Variants in POU6F1 observed in about 807,000 individuals in gnomAD.
POU6F1 encodes POU domain, class 6, transcription factor 1.
In POU6F1, 9 loss-of-function variants were observed where a neutral mutation model predicts 28.9. The ratio of observed to expected loss-of-function variants is 0.31; its 90% CI spans 0.19 to 0.54. The LOEUF (loss-of-function observed/expected upper bound fraction) is 0.54, where lower values mean the gene tolerates loss of function less well. POU6F1 is among the 20% of genes least tolerant of loss of function. The pLI is 0.94. For synonymous variants in POU6F1, 173 were observed against 171.1 expected, an observed-to-expected ratio of 1.01 and a Z score of -0.09; for missense variants, 338 against 426.1, an observed-to-expected ratio of 0.79 and a Z score of 1.82.
chr12:51,198,198 T>G (rs1382781191), intron 5 of POU6F1, 175 bp from the exon 6 acceptor site: 11 of 397,374 alleles, frequency 2.8e-5, no homozygotes, highest in African/African-American at 2.1e-4. Context: ...GCATCTCTTA[T>G]CCCCCCTCCC....
At chr12:51,214,876 T>C (rs973141130) in intron 1 of POU6F1, among the ~76,000 whole-genome samples, 2 of 151,980 alleles carry the variant, frequency 1.3e-5, no homozygotes, top group African/African-American at 4.8e-5. Flanking sequence ...AGAGAATCGC[T>C]TGAGCCCAAG....
chr12:51,189,183 C>T lies in POU6F1; in HGVS notation c.*1064G>A, dbSNP rs1050567494. The stretch of plus-strand genomic sequence containing the variant: ...AAGTCAACTTCCACAAGAGACCTTC[C>T]TGGGCTCCATCATTTATTTCAGGAT... On this transcript the variant is annotated 3_prime_UTR_variant, in exon 11 of 11. Coordinates refer to ENST00000333640, the MANE Select transcript of POU6F1 (RefSeq NM_001330422.2). 1.3e-5 allele frequency: 2 copies of T among 152,192 alleles called. No homozygotes were observed. Among genetic ancestry groups the T allele is most frequent in the Non-Finnish European group, 2.9e-5 (2 of 68,028 alleles). 9.4% of individuals were successfully genotyped at this position (152,192 alleles called of 1,614,324 possible). A position where few individuals can be genotyped will look rare whatever the true frequency, so the allele number is the denominator to read the frequency against.
chr12:51,217,083 T>A lies in POU6F1; in HGVS notation c.-48+559A>T, dbSNP rs999159954. On this transcript the variant is annotated intron_variant, in intron 1 of 10. Transcript: ENST00000333640. This position sits in a 1 kb window ranked among gnomAD's most constrained non-coding sequence, Gnocchi z 5.3. The stretch of plus-strand genomic sequence containing the variant: ...GGCCCTCCCATCACTGACCCACCCT[T>A]CCAGCAACGCCTGGGTCCCTACCCC... Among the ~76,000 whole-genome samples, 2 of 152,194 alleles carry A rather than the reference T, an allele frequency of 1.3e-5. No individual in the cohort carries two copies. The highest frequency in any genetic ancestry group is 6.5e-5 in the Admixed American group (1 of 15,290).
chr12:51,196,847 G>A lies in POU6F1; in HGVS notation c.927C>T (p.Pro309=). 1 of 1,614,088 alleles carries A rather than the reference G, an allele frequency of 6.2e-7. No homozygotes were observed. Among genetic ancestry groups the A allele is most frequent in the African/African-American group, 1.3e-5 (1 of 75,062 alleles). Residue 309 remains proline, a synonymous_variant, in exon 7 of 11, where the codon CCC becomes CCT. Transcript: ENST00000333640. ...TTAPVITSAI[P]SMPGISSQIL... Reference sequence around the variant, plus strand: ...TCTGACTGCTGATCCCTGGCATGCTGGGAATGGCGCTGGTAATGACTGGAG... The same window carrying A: ...TCTGACTGCTGATCCCTGGCATGCTAGGAATGGCGCTGGTAATGACTGGAG...
At position 51,215,010 on chromosome 12, in the gene POU6F1, C is replaced by T. The variant is rs138532801; in HGVS notation, c.-48+2632G>A. Among the ~76,000 whole-genome samples, 682 of 152,110 alleles carry T rather than the reference C, an allele frequency of 4.5e-3. 6 individuals are homozygous for T. The highest frequency in any genetic ancestry group is 0.016 in the African/African-American group (644 of 41,510). Reference sequence around the variant, plus strand: ...TGAAAAATGAAAAGTAGGTATGTTCCTAGTAGACTGTAAGCTCCAGGAAGG... The same window carrying T: ...TGAAAAATGAAAAGTAGGTATGTTCTTAGTAGACTGTAAGCTCCAGGAAGG... On this transcript the variant is annotated intron_variant, in intron 1 of 10. Transcript: ENST00000333640.
At chr12:51,195,791 T>C (rs1942774731) in intron 8 of POU6F1, among the ~76,000 whole-genome samples, 179 bp downstream of exon 8, 1 of 152,192 alleles carries the variant, frequency 6.6e-6, no homozygotes, top group Non-Finnish European at 1.5e-5. Flanking sequence ...GCTGTTTCCC[T>C]GGGCAGAACC....
rs568751694 is a variant in POU6F1 at position 51,214,159 on chromosome 12, AAAAT to A, written c.-48+3479_-48+3482del. 6.6e-4 allele frequency among the ~76,000 whole-genome samples: 101 copies of A among 151,938 alleles called. No homozygotes were observed. In the East Asian group the frequency reaches 0.014, roughly 21 times the overall value. On this transcript the variant is annotated intron_variant, in intron 1 of 10. Coordinates refer to ENST00000333640, the MANE Select transcript of POU6F1 (RefSeq NM_001330422.2). ...TCTATGTCAAAAAAATAAATAAATAAAAATAAATAAATAAATAAATAAATAAAAT... is the reference window on the plus strand; with the variant it reads ...TCTATGTCAAAAAAATAAATAAATAAAAATAAATAAATAAATAAATAAAAT...
chr12:51,189,962 A>C lies in POU6F1; in HGVS notation c.*285T>G, dbSNP rs1942278677. ...TCCCCACCAGAATTCACCCTTCAGA[A>C]ACCATGCTAGCAAGGTGCTTCTCTA... is the stretch of plus-strand genomic sequence containing the variant. On this transcript the variant is annotated 3_prime_UTR_variant, in exon 11 of 11. Coordinates refer to ENST00000333640, the MANE Select transcript of POU6F1 (RefSeq NM_001330422.2). 1.6e-5 allele frequency: 7 copies of C among 439,676 alleles called. No individual in the cohort carries two copies. In the South Asian group the frequency reaches 1.7e-4, roughly 11 times the overall value. 27.2% of individuals were successfully genotyped at this position (439,676 alleles called of 1,614,324 possible).
intron 8 of POU6F1, among the ~76,000 whole-genome samples, chr12:51,195,629 C>G (rs565304137): frequency 5.3e-5 from 8 of 152,228 alleles, no homozygotes; most frequent in Admixed American, 2.6e-4. Context: ...ACTGACTTCC[C>G]AGGGCTTTTC....
chr12:51,193,657 A>G (rs980146286), intron 8 of POU6F1, among the ~76,000 whole-genome samples: 4 of 152,250 alleles, frequency 2.6e-5, no homozygotes, highest in African/African-American at 9.6e-5. Context: ...ATGAATTTCC[A>G]GAAAAACAAA....
chr12:51,216,286 A>C (rs183904746), intron 1 of POU6F1, among the ~76,000 whole-genome samples: 39 of 152,370 alleles, frequency 2.6e-4, no homozygotes, highest in African/African-American at 9.1e-4. Flanking sequence ...CAAAATGCAG[A>C]AAAACCTTAC....
chr12:51,213,554 A>G (rs567288395), intron 1 of POU6F1, among the ~76,000 whole-genome samples: 2 of 151,332 alleles, frequency 1.3e-5, no homozygotes, highest in Non-Finnish European at 2.9e-5. Context: ...TTTTTTTGAG[A>G]CGAGGACTTG....
At position 51,190,716 on chromosome 12, in the gene POU6F1, C is replaced by T. The variant is rs893804745; in HGVS notation, c.1491-124G>A. ...CCTCTAGGGGCTGGTGAGACTGTAC[C>T]CAGTGCTCCCCTCACCACCTCCACC... On this transcript the variant is annotated intron_variant, in intron 10 of 10. Transcript: ENST00000333640. This position sits in a 1 kb window ranked among gnomAD's most constrained non-coding sequence, Gnocchi z 4.5. The T allele has an allele frequency of 3.6e-6, 5 of 1,404,678 alleles. No individual in the cohort carries two copies. Among genetic ancestry groups the T allele is most frequent in the East Asian group, 4.7e-5 (2 of 42,220 alleles). The allele number at this position is 1,404,678 out of a possible 1,614,324, so 87.0% of individuals were successfully genotyped here. A position where few individuals can be genotyped will look rare whatever the true frequency, so the allele number is the denominator to read the frequency against.
rs1943075234 is a variant in POU6F1, at chr12:51,199,604, G to C, written c.366+143C>G. The C allele has an allele frequency of 2.5e-6, 1 of 397,956 alleles. No homozygotes were observed. The highest frequency in any genetic ancestry group is 1.4e-4 in the South Asian group (1 of 7,100). 24.7% of individuals were successfully genotyped at this position (397,956 alleles called of 1,614,324 possible). On this transcript the variant is annotated intron_variant, in intron 4 of 10. Coordinates refer to ENST00000333640, the MANE Select transcript of POU6F1 (RefSeq NM_001330422.2). The surrounding 1 kb of genome is among the most constrained non-coding windows in gnomAD (Gnocchi z 4.1). ...AGGGGTGAGGCTGGATGTGCCTAGT[G>C]GGAGAGTCCCTCCCTCAAGCCATAG...
chr12:51,201,419 G>A (rs1374348949), intron 3 of POU6F1, among the ~76,000 whole-genome samples: 4 of 152,082 alleles, frequency 2.6e-5, no homozygotes, highest in Non-Finnish European at 4.4e-5. Context: ...GCCCACGCCT[G>A]TAATCCCAGC....
In POU6F1 at chr12:51,190,081, T is replaced by G; in HGVS notation, c.*166A>C. Reference sequence around the variant, plus strand: ...TGGCCTCCCCATGATGTGAGATGTGTGGGAGAAAAGAGGGACATTGATGCA... The same window carrying G: ...TGGCCTCCCCATGATGTGAGATGTGGGGGAGAAAAGAGGGACATTGATGCA... On this transcript the variant is annotated 3_prime_UTR_variant, in exon 11 of 11. Coordinates refer to ENST00000333640, the MANE Select transcript of POU6F1 (RefSeq NM_001330422.2). The surrounding 1 kb of genome is among the most constrained non-coding windows in gnomAD (Gnocchi z 4.5). The G allele has an allele frequency of 1.6e-6, 2 of 1,251,206 alleles. No individual in the cohort carries two copies. Among genetic ancestry groups the G allele is most frequent in the Non-Finnish European group, 2.2e-6 (2 of 930,114 alleles). The allele number at this position is 1,251,206 out of a possible 1,614,324, so 77.5% of individuals were successfully genotyped here.
At position 51,198,686 on chromosome 12, in the gene POU6F1, A is replaced by G. The variant is rs1943011814; in HGVS notation, c.456T>C (p.Ser152=). 1 of 399,246 alleles carries G rather than the reference A, an allele frequency of 2.5e-6. No individual in the cohort carries two copies. Among genetic ancestry groups the G allele is most frequent in the African/African-American group, 2.1e-5 (1 of 48,636 alleles). 24.7% of individuals were successfully genotyped at this position (399,246 alleles called of 1,614,324 possible). Residue 152 remains serine (S), a synonymous_variant, in exon 5 of 11, where the codon AGT becomes AGC. Transcript: ENST00000333640. ...AVTQPLLIPI[S]IAGQVAGQQG... ...GCTGACCAGCCACTTGACCTGCAAT[A>G]CTGATGGGGATAAGAAGAGGTTGAG...
At chr12:51,210,688 G>T (rs1029860346) in intron 1 of POU6F1, among the ~76,000 whole-genome samples, 1 of 152,170 alleles carries the variant, frequency 6.6e-6, no homozygotes, top group Admixed American at 6.6e-5. Context: ...GGTCCTCAGT[G>T]TCTGGTCCTT....
chr12:51,199,599 C>G lies in POU6F1; in HGVS notation c.366+148G>C. On this transcript the variant is annotated intron_variant, in intron 4 of 10. Coordinates refer to ENST00000333640, the MANE Select transcript of POU6F1 (RefSeq NM_001330422.2). The surrounding 1 kb of genome is among the most constrained non-coding windows in gnomAD (Gnocchi z 4.1). ...TAGGCAGGGGTGAGGCTGGATGTGC[C>G]TAGTGGGAGAGTCCCTCCCTCAAGC... is the stretch of plus-strand genomic sequence containing the variant. 1 of 398,074 alleles carries G rather than the reference C, an allele frequency of 2.5e-6. No individual in the cohort carries two copies. The allele number at this position is 398,074 out of a possible 1,614,324, so 24.7% of individuals were successfully genotyped here. A position where few individuals can be genotyped will look rare whatever the true frequency, so the allele number is the denominator to read the frequency against.
Sources: allele counts gnomAD v4.1 joint callset (sites outside exome capture counted in the v4.1 genomes callset), GRCh38; gene constraint gnomAD v4.1.1; non-coding constraint Gnocchi (gnomAD v3.1); transcripts MANE v1.5; gene names NCBI Gene and HGNC (gene_info 2026-07-23, HGNC 2026-07-21).